CRPPA: variants seen among roughly 807,000 people sequenced by gnomAD.
CRPPA encodes the protein CDP-L-ribitol pyrophosphorylase A.
CRPPA carries 43 observed loss-of-function variants against 52.0 expected under a neutral mutation model. The ratio of observed to expected loss-of-function variants is 0.83; its 90% CI spans 0.65 to 1.07. CRPPA has a LOEUF of 1.07. Ranked by LOEUF, CRPPA falls within the 50% of genes least tolerant of loss-of-function variation. The probability of loss-of-function intolerance (pLI) is 0.00; values close to 1 mark genes in which losing one functional copy is unlikely to be tolerated. For synonymous variants in CRPPA, 250 were observed against 203.5 expected, an observed-to-expected ratio of 1.23 and a Z score of -1.94; for missense variants, 629 against 551.7, an observed-to-expected ratio of 1.14 and a Z score of -1.40.
chr7:16,182,903 G>A (rs7789183), intron 9 of CRPPA, among the ~76,000 whole-genome samples: 5,269 of 152,200 alleles, frequency 0.035, 303 homozygotes, highest in African/African-American at 0.12. Flanking sequence ...ATGCAATTAA[G>A]CTACTTTCTG....
chr7:16,106,002 A>G (rs1460083375), intron 9 of CRPPA, among the ~76,000 whole-genome samples: 1 of 152,170 alleles, frequency 6.6e-6, no homozygotes, highest in Non-Finnish European at 1.5e-5. Flanking sequence ...AAGCCCTCCC[A>G]ACAACTTTGC....
In CRPPA at chr7:16,421,390, G is replaced by C. The variant is rs1009611167; in HGVS notation, c.-68C>G. On this transcript the variant is annotated 5_prime_UTR_variant, in exon 1 of 10. Coordinates refer to ENST00000407010, the MANE Select transcript of CRPPA (RefSeq NM_001101426.4). Reference sequence around the variant, plus strand: ...GCGACCCCGCGCTGCTCCCACCCTCGGCCGGGGTCGCGGGGCGAAGGGCAG... The same window carrying C: ...GCGACCCCGCGCTGCTCCCACCCTCCGCCGGGGTCGCGGGGCGAAGGGCAG... 11 of 1,209,980 alleles carry C rather than the reference G, an allele frequency of 9.1e-6. No homozygotes were observed. In the African/African-American group the frequency reaches 1.6e-4, roughly 17 times the overall value. 75.0% of individuals were successfully genotyped at this position (1,209,980 alleles called of 1,614,324 possible).
intron 9 of CRPPA, among the ~76,000 whole-genome samples, chr7:16,094,146 T>G (rs971292357): frequency 1.3e-5 from 2 of 152,194 alleles, no homozygotes; most frequent in Admixed American, 6.5e-5. Context: ...GATGTCCTTT[T>G]AAAGATTAAT....
chr7:16,201,558 T>C (rs913610903), intron 9 of CRPPA, among the ~76,000 whole-genome samples: 12 of 152,296 alleles, frequency 7.9e-5, no homozygotes, highest in Middle Eastern at 3.4e-3. Context: ...AGCTTTTCTT[T>C]CACTCAACAA....
chr7:16,101,343 G>A (rs1320338329), intron 9 of CRPPA, among the ~76,000 whole-genome samples: 1 of 152,036 alleles, frequency 6.6e-6, no homozygotes, highest in Non-Finnish European at 1.5e-5. Flanking sequence ...TTGCTACTCA[G>A]TGATTCAACT....
At chr7:16,399,191 G>A (rs938935264) in intron 2 of CRPPA, among the ~76,000 whole-genome samples, 3 of 152,296 alleles carry the variant, frequency 2.0e-5, no homozygotes, top group Non-Finnish European at 2.9e-5. Context: ...CGATTCACAC[G>A]ACTGACATGA....
At chr7:16,337,402 T>C (rs953648552) in intron 3 of CRPPA, among the ~76,000 whole-genome samples, 2 of 151,934 alleles carry the variant, frequency 1.3e-5, no homozygotes, top group Non-Finnish European at 2.9e-5. Context: ...AATCAAGAAA[T>C]ACCTTAAGAC....
chr7:16,369,462 C>A (rs1459911133), intron 3 of CRPPA, among the ~76,000 whole-genome samples: 1 of 152,208 alleles, frequency 6.6e-6, no homozygotes, highest in African/African-American at 2.4e-5. Context: ...TGGCACCAGG[C>A]TGCCTGTCTT....
intron 9 of CRPPA, among the ~76,000 whole-genome samples, chr7:16,142,261 CT>C (rs774463656): frequency 6.6e-6 from 1 of 152,104 alleles, no homozygotes; most frequent in African/African-American, 2.4e-5. Context: ...CATAGGTAAA[CT>C]TGTGTCACAG....
At chr7:16,344,089 A>G (rs1391995384) in intron 3 of CRPPA, among the ~76,000 whole-genome samples, 2 of 152,170 alleles carry the variant, frequency 1.3e-5, no homozygotes, top group Non-Finnish European at 2.9e-5. Flanking sequence ...ACAAAAAATT[A>G]ACACTAAATC....
chr7:16,412,779 T>A (rs9886014), intron 1 of CRPPA, among the ~76,000 whole-genome samples: 8,450 of 152,212 alleles, frequency 0.056, 437 homozygotes, highest in African/African-American at 0.14. Flanking sequence ...TCTGTCAAGT[T>A]CTCCTGAATA....
chr7:16,146,380 G>A (rs2128377489), intron 9 of CRPPA, among the ~76,000 whole-genome samples: 1 of 152,120 alleles, frequency 6.6e-6, no homozygotes, highest in African/African-American at 2.4e-5. Flanking sequence ...ATGCTAAAGG[G>A]AGTTCTCCAA....
chr7:16,343,809 C>T (rs564078900), intron 3 of CRPPA, among the ~76,000 whole-genome samples: 7 of 152,284 alleles, frequency 4.6e-5, no homozygotes, highest in Admixed American at 4.6e-4. Flanking sequence ...TATGCTCTCA[C>T]CTCTGGATGA....
At chr7:16,341,659 T>C (rs1785837599) in intron 3 of CRPPA, among the ~76,000 whole-genome samples, 1 of 151,572 alleles carries the variant, frequency 6.6e-6, no homozygotes, top group South Asian at 2.1e-4. Flanking sequence ...CAAGTTTATT[T>C]TAGGGACTTT....
At chr7:16,347,383 G>T (rs1197848968) in intron 3 of CRPPA, among the ~76,000 whole-genome samples, 1 of 152,220 alleles carries the variant, frequency 6.6e-6, no homozygotes, top group Non-Finnish European at 1.5e-5. Flanking sequence ...CTTACAGAGT[G>T]AATAAAAAAT....
At chr7:16,323,031 G>C (rs11973525) in intron 3 of CRPPA, among the ~76,000 whole-genome samples, 3 of 151,968 alleles carry the variant, frequency 2.0e-5, no homozygotes, top group Non-Finnish European at 4.4e-5. Flanking sequence ...TGGGGGAACC[G>C]ACCCTATGAT....
At chr7:16,303,977 T>C (rs1422062017) in intron 4 of CRPPA, among the ~76,000 whole-genome samples, 2 of 152,194 alleles carry the variant, frequency 1.3e-5, no homozygotes, top group African/African-American at 4.8e-5. Context: ...CTTCAGTAAC[T>C]GGTTATCAAT....
chr7:16,143,977 C>T (rs976101846), intron 9 of CRPPA, among the ~76,000 whole-genome samples: 1 of 152,166 alleles, frequency 6.6e-6, no homozygotes, highest in African/African-American at 2.4e-5. Context: ...ACGCTGAATT[C>T]GTCTACAGAA....
chr7:16,344,039 CTT>C (rs1443386491), intron 3 of CRPPA, among the ~76,000 whole-genome samples: 1 of 152,102 alleles, frequency 6.6e-6, no homozygotes, highest in African/African-American at 2.4e-5. Flanking sequence ...AGAAAACAGA[CTT>C]TATGGAATTA....
Sources: allele counts gnomAD v4.1 joint callset (sites outside exome capture counted in the v4.1 genomes callset), GRCh38; gene constraint gnomAD v4.1.1; transcripts MANE v1.5; gene names NCBI Gene and HGNC (gene_info 2026-07-23, HGNC 2026-07-21).